The following CLEC3A variants were observed in gnomAD, a reference collection of about 807,000 sequenced individuals.
CLEC3A encodes C-type (calcium dependent, carbohydrate-recognition domain) lectin, superfamily member 1 (cartilage-derived).
Under a neutral mutation model 20.4 loss-of-function variants are expected in CLEC3A, and 28 were observed. The ratio of observed to expected loss-of-function variants is 1.37; its 90% confidence interval spans 1.02 to 1.88. The LOEUF is 1.88. Among genes scored for constraint, CLEC3A ranks in the 40% most tolerant of loss-of-function variants. The probability of loss-of-function intolerance (pLI) is 0.00; values close to 1 mark genes in which losing one functional copy is unlikely to be tolerated. For missense variants in CLEC3A, 357 were observed against 240.4 expected, an observed-to-expected ratio of 1.48 and a Z score of -3.21; for synonymous variants, 110 against 88.1, an observed-to-expected ratio of 1.25 and a Z score of -1.39.
Position 78,030,439 on chromosome 16 carries a change from C to G in CLEC3A, c.200-8C>G. 6.3e-7 allele frequency: 1 copy of G among 1,586,622 alleles called. No individual in the cohort carries two copies. Among genetic ancestry groups the G allele is most frequent in the African/African-American group, 1.4e-5 (1 of 74,060 alleles). On this transcript the variant is annotated splice_polypyrimidine_tract_variant and splice_region_variant and intron_variant, in intron 2 of 2. Coordinates refer to ENST00000299642, the MANE Select transcript of CLEC3A (RefSeq NM_005752.6). Reference sequence around the variant, plus strand: ...CATCTTAATATGTTACACTTCACATCTTCACAGTCTGTCTCCGAGGCACTA... The same window carrying G: ...CATCTTAATATGTTACACTTCACATGTTCACAGTCTGTCTCCGAGGCACTA...
At position 78,030,445 on chromosome 16, in the gene CLEC3A, A is replaced by C; in HGVS notation, c.200-2A>C. ...AATATGTTACACTTCACATCTTCAC[A>C]GTCTGTCTCCGAGGCACTAAAGTTC... On this transcript the variant is annotated splice_acceptor_variant, in intron 2 of 2. Coordinates refer to ENST00000299642, the MANE Select transcript of CLEC3A (RefSeq NM_005752.6). LOFTEE classifies it high-confidence loss of function. 6.3e-7 allele frequency: 1 copy of C among 1,591,386 alleles called. No individual in the cohort carries two copies.
At position 78,022,685 on chromosome 16, in the gene CLEC3A, C is replaced by G; in HGVS notation, c.59C>G (p.Thr20Ser). The G allele has an allele frequency of 6.2e-7, 1 of 1,614,094 alleles. No individual in the cohort carries two copies. Among genetic ancestry groups the G allele is most frequent in the Non-Finnish European group, 8.5e-7 (1 of 1,180,014 alleles). Residue 20 changes from threonine to serine, a missense_variant, in exon 1 of 3, where the codon ACC (threonine) becomes AGC (serine). By Grantham distance (58) the Thr-to-Ser change is moderately conservative. Coordinates refer to ENST00000299642, the MANE Select transcript of CLEC3A (RefSeq NM_005752.6). ...GTGATCACCTTACTCCTGGACCAGA[C>G]CACCAGCCACACATCCAGATTAAAA... ...ILVITLLLDQ[T>S]TSHTSRLKAR...
chr16:78,025,961 G>T (rs1480470357), intron 1 of CLEC3A, among the ~76,000 whole-genome samples: 1 of 152,218 alleles, frequency 6.6e-6, no homozygotes, highest in African/African-American at 2.4e-5. Flanking sequence ...AGCTGAGAGG[G>T]ATGGGGGATG....
chr16:78,023,048 G>A (rs1013651643), intron 1 of CLEC3A, among the ~76,000 whole-genome samples: 6 of 152,130 alleles, frequency 3.9e-5, no homozygotes, highest in African/African-American at 1.4e-4. Context: ...AAGCTCAAGT[G>A]GATTTCTGAA....
intron 1 of CLEC3A, among the ~76,000 whole-genome samples, chr16:78,026,987 G>C (rs1437849015): frequency 6.6e-6 from 1 of 152,238 alleles, no homozygotes; most frequent in African/African-American, 2.4e-5. Context: ...AAATCAGTCA[G>C]AGTATGAATT....
At chr16:78,026,116 T>C (rs1301675501) in intron 1 of CLEC3A, among the ~76,000 whole-genome samples, 1 of 152,190 alleles carries the variant, frequency 6.6e-6, no homozygotes, top group Non-Finnish European at 1.5e-5. Context: ...TAAAAATCTT[T>C]AGGTTATAGT....
At chr16:78,026,339 T>G (rs1164373548) in intron 1 of CLEC3A, among the ~76,000 whole-genome samples, 1 of 152,188 alleles carries the variant, frequency 6.6e-6, no homozygotes, top group Non-Finnish European at 1.5e-5. Context: ...ATAGACTTCC[T>G]CCATGGAATC....
At chr16:78,023,224 C>A (rs964422802) in intron 1 of CLEC3A, among the ~76,000 whole-genome samples, 1 of 152,154 alleles carries the variant, frequency 6.6e-6, no homozygotes, top group Non-Finnish European at 1.5e-5. Flanking sequence ...CCTGTTTTGT[C>A]ATTAGTTATC....
At chr16:78,030,132 G>A (rs188830218) in intron 2 of CLEC3A, among the ~76,000 whole-genome samples, 15 of 116,864 alleles carry the variant, frequency 1.3e-4, no homozygotes, top group Non-Finnish European at 6.6e-5. Context: ...CAGCCTGGGC[G>A]ACAGAGCGAG....
At chr16:78,028,262 C>T (rs2075738) in intron 2 of CLEC3A, 72 bp downstream of exon 2, 376,433 of 1,055,248 alleles carry the variant, frequency 0.36, 71,399 homozygotes, top group East Asian at 0.52. Flanking sequence ...TTCTGGGGGA[C>T]GTCTTTTTAA....
At chr16:78,029,351 C>T (rs1428768157) in intron 2 of CLEC3A, among the ~76,000 whole-genome samples, 1 of 152,150 alleles carries the variant, frequency 6.6e-6, no homozygotes, top group Non-Finnish European at 1.5e-5. Context: ...ACATGCAAAA[C>T]TAGAATTTAA....
chr16:78,029,065 T>C (rs2142593537), intron 2 of CLEC3A: 1 of 451,246 alleles, frequency 2.2e-6, no homozygotes, highest in Middle Eastern at 3.3e-4. Context: ...AAATTCTTTA[T>C]AAACACAAAT....
chr16:78,026,622 A>T (rs992912522), intron 1 of CLEC3A, among the ~76,000 whole-genome samples: 3 of 152,210 alleles, frequency 2.0e-5, no homozygotes, highest in Non-Finnish European at 2.9e-5. Flanking sequence ...GCACTACTGA[A>T]AGAATTGATC....
chr16:78,023,464 G>C (rs771998887), intron 1 of CLEC3A, among the ~76,000 whole-genome samples: 3 of 152,124 alleles, frequency 2.0e-5, no homozygotes, highest in Non-Finnish European at 2.9e-5. Flanking sequence ...AATGATGATA[G>C]CGAGGTGTTT....
At position 78,022,676 on chromosome 16, in the gene CLEC3A, T is replaced by C. The variant is rs765417463; in HGVS notation, c.50T>C (p.Leu17Pro). 1.2e-6 allele frequency: 2 copies of C among 1,614,160 alleles called. No homozygotes were observed. Among genetic ancestry groups the C allele is most frequent in the South Asian group, 1.1e-5 (1 of 91,080 alleles). ...VICILVITLL[L>P]DQTTSHTSRL... ...TGCATCCTGGTGATCACCTTACTCC[T>C]GGACCAGACCACCAGCCACACATCC... Residue 17 changes from leucine (L) to proline (P), a missense_variant, in exon 1 of 3, where the codon CTG becomes CCG. By Grantham distance (98) the Leu-to-Pro change is moderately conservative. Transcript: ENST00000299642.
rs763243823 is a variant in CLEC3A, at chr16:78,022,757, A to T, written c.115+16A>T. ...CGAGTGAGAGGTAATGGGGCTTCTC[A>T]ATCAAGCAAAATTCTAGGCTTAGAC... On this transcript the variant is annotated intron_variant, in intron 1 of 2. Transcript: ENST00000299642. 2 of 1,613,512 alleles carry T rather than the reference A, an allele frequency of 1.2e-6. No individual in the cohort carries two copies. The highest frequency in any genetic ancestry group is 2.7e-5 in the African/African-American group (2 of 74,888).
intron 1 of CLEC3A, among the ~76,000 whole-genome samples, chr16:78,026,917 G>A (rs1170018646): frequency 6.6e-6 from 1 of 152,164 alleles, no homozygotes; most frequent in Non-Finnish European, 1.5e-5. Context: ...CCTGCTAGTA[G>A]CCACCATACC....
chr16:78,026,528 G>A (rs2029927466), intron 1 of CLEC3A, among the ~76,000 whole-genome samples: 1 of 152,184 alleles, frequency 6.6e-6, no homozygotes, highest in African/African-American at 2.4e-5. Flanking sequence ...CACTTTACTA[G>A]CTGGGTGACC....
chr16:78,027,201 A>T (rs1309147701), intron 1 of CLEC3A, among the ~76,000 whole-genome samples: 1 of 152,234 alleles, frequency 6.6e-6, no homozygotes, highest in African/African-American at 2.4e-5. Context: ...AAGAATAATA[A>T]GACAGATGAA....
Sources: allele counts gnomAD v4.1 joint callset (sites outside exome capture counted in the v4.1 genomes callset), GRCh38; gene constraint gnomAD v4.1.1; transcripts MANE v1.5; gene names NCBI Gene and HGNC (gene_info 2026-07-23, HGNC 2026-07-21).